Variants in PYGO2 observed in about 807,000 individuals in gnomAD.
PYGO2 encodes pygopus homolog 2.
PYGO2 carries 9 observed loss-of-function variants against 26.7 expected under a neutral mutation model. The ratio of observed to expected loss-of-function variants is 0.34; its 90% confidence interval spans 0.20 to 0.59. PYGO2 has a LOEUF of 0.59. Ranked by LOEUF, PYGO2 falls within the 20% of genes least tolerant of loss-of-function variation. The pLI, the probability that PYGO2 is intolerant of heterozygous loss-of-function variation, is 0.84. For missense variants in PYGO2, 538 were observed against 561.5 expected (o/e 0.96, Z 0.42); for synonymous variants, 236 against 219.0 (o/e 1.08, Z -0.68).
At position 154,957,611 on chromosome 1, in the gene PYGO2, CAAAT is replaced by C. The variant is rs1034057019; in HGVS notation, c.*1164_*1167del. The C allele has an allele frequency of 1.3e-5, 2 of 152,466 alleles. No homozygotes were observed. Among genetic ancestry groups the C allele is most frequent in the South Asian group, 2.1e-4 (1 of 4,834 alleles). The allele number at this position is 152,466 out of a possible 1,614,324, so 9.4% of individuals were successfully genotyped here. On this transcript the variant is annotated 3_prime_UTR_variant, in exon 3 of 3. Coordinates refer to ENST00000368457, the MANE Select transcript of PYGO2 (RefSeq NM_138300.4). The stretch of plus-strand genomic sequence containing the variant: ...GCAGTGCTTAAAAAATAAAAAAAGA[CAAAT>C]AAAGCCCAGTGCAGGCCTTTGGCTG...
At position 154,958,749 on chromosome 1, in the gene PYGO2, T is replaced by C. The variant is rs780324034; in HGVS notation, c.*30A>G. The C allele has an allele frequency of 4.5e-6, 7 of 1,560,210 alleles. No individual in the cohort carries two copies. The highest frequency in any genetic ancestry group is 5.3e-6 in the Non-Finnish European group (6 of 1,134,272). On this transcript the variant is annotated 3_prime_UTR_variant, in exon 3 of 3. Transcript: ENST00000368457. ...CACCCTGGAAGAGCAGGGAGAGACA[T>C]GTGCACTTCCCTGGGCCACTTCACC...
chr1:154,960,134 G>A lies in PYGO2; in HGVS notation c.154-288C>T, dbSNP rs1655295868. ...AAAAAAATTAGCCGGGCGTGGTGGT[G>A]GGCGCCTGTAGTCCCAGCTACTCGG... On this transcript the variant is annotated intron_variant, in intron 2 of 2. Transcript: ENST00000368457. Among the ~76,000 whole-genome samples, 2 of 152,094 alleles carry A rather than the reference G, an allele frequency of 1.3e-5. 1 individual carries two copies. The highest frequency in any genetic ancestry group is 1.3e-4 in the Admixed American group (2 of 15,270).
chr1:154,959,295 G>A lies in PYGO2; in HGVS notation c.705C>T (p.Pro235=), dbSNP rs370590810. 3 of 1,584,848 alleles carry A rather than the reference G, an allele frequency of 1.9e-6. No homozygotes were observed. The highest frequency in any genetic ancestry group is 1.4e-5 in the African/African-American group (1 of 73,568). The change falls in exon 3 of 3, where the codon CCC becomes CCT. Residue 235 remains proline (P), a synonymous_variant. Coordinates refer to ENST00000368457, the MANE Select transcript of PYGO2 (RefSeq NM_138300.4). This position sits in a 1 kb window ranked among gnomAD's most constrained non-coding sequence, Gnocchi z 4.7. ...SPLQRPGQGL[P]SLPPNTSPFP... ...AGGGACTTGTGTTAGGCGGCAGGCT[G>A]GGGAGCCCCTGACCAGGTCTCTGGA...
In PYGO2 at chr1:154,957,897, T is replaced by C. The variant is rs1012810165; in HGVS notation, c.*882A>G. Reference sequence around the variant, plus strand: ...GGCAGGGGAATAAGGGCGCCGAAAGTTGAAGAACACACGGAGTATAATGTG... The same window carrying C: ...GGCAGGGGAATAAGGGCGCCGAAAGCTGAAGAACACACGGAGTATAATGTG... On this transcript the variant is annotated 3_prime_UTR_variant, in exon 3 of 3. Transcript: ENST00000368457. 4 of 152,698 alleles carry C rather than the reference T, an allele frequency of 2.6e-5. No individual in the cohort carries two copies. The highest frequency in any genetic ancestry group is 4.8e-5 in the African/African-American group (2 of 41,432). 9.5% of individuals were successfully genotyped at this position (152,698 alleles called of 1,614,324 possible).
In PYGO2 at chr1:154,960,900, G is replaced by C. The variant is rs552309129; in HGVS notation, c.153+77C>G. 6.6e-5 allele frequency: 88 copies of C among 1,326,584 alleles called. 1 individual carries two copies. The East Asian group carries it at 2.0e-3, about 30-fold the overall frequency. The allele number at this position is 1,326,584 out of a possible 1,614,324, so 82.2% of individuals were successfully genotyped here. On this transcript the variant is annotated intron_variant, in intron 2 of 2. Transcript: ENST00000368457. ...CTGCAGCTGATACAAGATACAAACAGATACTGGAATGGCAGAGTAGACAGT... is the reference window on the plus strand; with the variant it reads ...CTGCAGCTGATACAAGATACAAACACATACTGGAATGGCAGAGTAGACAGT...
rs1229038649 is a variant in PYGO2, at chr1:154,958,939, A to T, written c.1061T>A (p.Phe354Tyr). The T allele has an allele frequency of 6.2e-7, 1 of 1,613,948 alleles. No individual in the cohort carries two copies. Among genetic ancestry groups the T allele is most frequent in the Non-Finnish European group, 8.5e-7 (1 of 1,180,036 alleles). Reference protein sequence around the residue: ...ILCEASCQKWFHRECTGMTES... With the variant: ...ILCEASCQKWYHRECTGMTES... ...AGTCATGCCTGTGCACTCACGGTGG[A>T]ACCATTTCTGGCAGGAGGCCTCACA... Residue 354 changes from phenylalanine to tyrosine, a missense_variant, in exon 3 of 3, where the codon TTC becomes TAC. By Grantham distance (22) the Phe-to-Tyr change is conservative. This residue lies in a region of PYGO2 where 72 missense variants were observed against 111.9 expected (regional missense o/e 0.64). Transcript: ENST00000368457.
At position 154,958,862 on chromosome 1, in the gene PYGO2, C is replaced by G. The variant is rs753745747; in HGVS notation, c.1138G>C (p.Asp380His). Residue 380 changes from aspartate to histidine, a missense_variant, in exon 3 of 3, where the codon GAT becomes CAT. By Grantham distance (81) the Asp-to-His change is moderately conservative (BLOSUM62 -1). Coordinates refer to ENST00000368457, the MANE Select transcript of PYGO2 (RefSeq NM_138300.4). ...TTEASAVWAC[D>H]LCLKTKEIQS... ...ATCTCCTTGGTCTTGAGGCAGAGAT[C>G]GCAGGCCCAGACGGCAGAAGCTTCA... 20 of 1,613,872 alleles carry G rather than the reference C, an allele frequency of 1.2e-5. No individual in the cohort carries two copies.
Position 154,959,264 on chromosome 1 carries a change from C to T in PYGO2, c.736G>A (p.Gly246Ser), listed in dbSNP as rs1231090873. The change falls in exon 3 of 3, where the codon GGT (glycine) becomes AGT (serine). Residue 246 changes from glycine (G) to serine (S), a missense_variant. Gly to Ser is a moderately conservative substitution (Grantham distance 56). Transcript: ENST00000368457. This position sits in a 1 kb window ranked among gnomAD's most constrained non-coding sequence, Gnocchi z 4.7. Reference protein sequence around the residue: ...SLPPNTSPFPGPDPGFPGPGG... With the variant: ...SLPPNTSPFPSPDPGFPGPGG... ...GGGCCAGGAAAGCCAGGGTCCGGAC[C>T]AGGAAAGGGACTTGTGTTAGGCGGC... 10 of 1,570,422 alleles carry T rather than the reference C, an allele frequency of 6.4e-6. No homozygotes were observed. The highest frequency in any genetic ancestry group is 8.6e-6 in the Non-Finnish European group (10 of 1,159,768).
At position 154,959,252 on chromosome 1, in the gene PYGO2, C is replaced by A; in HGVS notation, c.748G>T (p.Gly250Cys). 1 of 1,564,744 alleles carries A rather than the reference C, an allele frequency of 6.4e-7. No homozygotes were observed. The highest frequency in any genetic ancestry group is 8.6e-7 in the Non-Finnish European group (1 of 1,156,736). Reference sequence around the variant, plus strand: ...TCCTCACCACCAGGGCCAGGAAAGCCAGGGTCCGGACCAGGAAAGGGACTT... The same window carrying A: ...TCCTCACCACCAGGGCCAGGAAAGCAAGGGTCCGGACCAGGAAAGGGACTT... ...NTSPFPGPDP[G>C]FPGPGGEDGG... Residue 250 changes from glycine (G) to cysteine (C), a missense_variant, in exon 3 of 3, where the codon GGC becomes TGC. Gly to Cys is a radical substitution (Grantham distance 159, BLOSUM62 -3). Around this residue, in one of 4 missense-constraint regions of PYGO2, gnomAD observed 381 missense variants for 336.6 expected, o/e 1.13. Transcript: ENST00000368457. The surrounding 1 kb of genome is among the most constrained non-coding windows in gnomAD (Gnocchi z 4.7).
Position 154,958,710 on chromosome 1 carries a change from A to G in PYGO2, c.*69T>C, listed in dbSNP as rs1655250804. ...CAGTGGAAACAAGGACCAAGAGCCA[A>G]ACATCAAAAAAATCACCCTGGAAGA... On this transcript the variant is annotated 3_prime_UTR_variant, in exon 3 of 3. Coordinates refer to ENST00000368457, the MANE Select transcript of PYGO2 (RefSeq NM_138300.4). 2 of 1,354,026 alleles carry G rather than the reference A, an allele frequency of 1.5e-6. No homozygotes were observed. Among genetic ancestry groups the G allele is most frequent in the East Asian group, 2.3e-5 (1 of 42,564 alleles). 83.9% of individuals were successfully genotyped at this position (1,354,026 alleles called of 1,614,324 possible).
chr1:154,959,823 C>G lies in PYGO2; in HGVS notation c.177G>C (p.Thr59=). ...TGGGAGTTGGGGGTGGTGCAAACTC[C>G]GTCAGATGTGAGTATGCAGGGCCCT... ...NTQGPAYSHL[T]EFAPPPTPMV... is the part of the protein sequence containing the mutation. Residue 59 remains threonine, a synonymous_variant, in exon 3 of 3, where the codon ACG becomes ACC. Transcript: ENST00000368457. The surrounding 1 kb of genome is among the most constrained non-coding windows in gnomAD (Gnocchi z 4.7). The G allele has an allele frequency of 7.4e-7, 1 of 1,357,856 alleles. No individual in the cohort carries two copies. Among genetic ancestry groups the G allele is most frequent in the East Asian group, 2.8e-5 (1 of 36,288 alleles). 84.1% of individuals were successfully genotyped at this position (1,357,856 alleles called of 1,614,324 possible).
rs376744456 is a variant in PYGO2, at chr1:154,961,669, G to A, written c.-93C>T. On this transcript the variant is annotated 5_prime_UTR_variant, in exon 1 of 3. Transcript: ENST00000368457. ...AGAAGGGGTGTCAGGGGCAGCCCAG[G>A]CCCCCGAGCTGCAGCAACCACAAAG... 13 of 454,652 alleles carry A rather than the reference G, an allele frequency of 2.9e-5. No homozygotes were observed. The highest frequency in any genetic ancestry group is 2.1e-4 in the East Asian group (6 of 28,098). The allele number at this position is 454,652 out of a possible 1,614,324, so 28.2% of individuals were successfully genotyped here.
chr1:154,961,333 A>G, intron 1 of PYGO2, 141 bp downstream of exon 1: 1 of 626,238 alleles, frequency 1.6e-6, no homozygotes, highest in Non-Finnish European at 2.7e-6. Flanking sequence ...CAACCCCTGG[A>G]GGATTACACC....
At position 154,959,945 on chromosome 1, in the gene PYGO2, C is replaced by A; in HGVS notation, c.154-99G>T. The A allele has an allele frequency of 1.5e-6, 1 of 656,498 alleles. No individual in the cohort carries two copies. The highest frequency in any genetic ancestry group is 4.3e-5 in the Admixed American group (1 of 23,160). 40.7% of individuals were successfully genotyped at this position (656,498 alleles called of 1,614,324 possible). On this transcript the variant is annotated intron_variant, in intron 2 of 2. Transcript: ENST00000368457. This position sits in a 1 kb window ranked among gnomAD's most constrained non-coding sequence, Gnocchi z 4.7. Reference sequence around the variant, plus strand: ...ACAATACACATTTTGGAGGCTGATACTGTGGGCAGCTCAGGTCTAAAATCA... The same window carrying A: ...ACAATACACATTTTGGAGGCTGATAATGTGGGCAGCTCAGGTCTAAAATCA...
chr1:154,958,592 A>G lies in PYGO2; in HGVS notation c.*187T>C. On this transcript the variant is annotated 3_prime_UTR_variant, in exon 3 of 3. Transcript: ENST00000368457. Reference sequence around the variant, plus strand: ...TAGATCTCAACATGTAAGTTTCCCAAAACAGTGAGCAATCCAGGCTCTTCT... The same window carrying G: ...TAGATCTCAACATGTAAGTTTCCCAGAACAGTGAGCAATCCAGGCTCTTCT... The G allele has an allele frequency of 1.7e-6, 1 of 596,850 alleles. No homozygotes were observed. Among genetic ancestry groups the G allele is most frequent in the South Asian group, 2.1e-5 (1 of 48,534 alleles). The allele number at this position is 596,850 out of a possible 1,614,324, so 37.0% of individuals were successfully genotyped here.
At chr1:154,960,821 G>A (rs1276875118) in intron 2 of PYGO2, among the ~76,000 whole-genome samples, 156 bp downstream of exon 2, 1 of 152,150 alleles carries the variant, frequency 6.6e-6, no homozygotes, top group African/African-American at 2.4e-5. Context: ...CTTGTTATAA[G>A]GTTCAGCGAA....
chr1:154,961,730 C>G lies in PYGO2; in HGVS notation c.-154G>C, dbSNP rs2242468. The G allele has an allele frequency of 4.6e-6, 2 of 435,910 alleles. No homozygotes were observed. Among genetic ancestry groups the G allele is most frequent in the Non-Finnish European group, 8.2e-6 (2 of 245,170 alleles). 27.0% of individuals were successfully genotyped at this position (435,910 alleles called of 1,614,324 possible). ...GGGAAGCGCCGAGCCGCCGCGCAAACTGCGCGCTCTCTCCAGACTCGCCGC... is the reference window on the plus strand; with the variant it reads ...GGGAAGCGCCGAGCCGCCGCGCAAAGTGCGCGCTCTCTCCAGACTCGCCGC... On this transcript the variant is annotated 5_prime_UTR_variant, in exon 1 of 3. Coordinates refer to ENST00000368457, the MANE Select transcript of PYGO2 (RefSeq NM_138300.4).
Position 154,959,668 on chromosome 1 carries a change from G to A in PYGO2, c.332C>T (p.Ala111Val), listed in dbSNP as rs772772996. 1.4e-5 allele frequency: 20 copies of A among 1,434,828 alleles called. No individual in the cohort carries two copies. The highest frequency in any genetic ancestry group is 5.2e-5 in the East Asian group (2 of 38,614). 88.9% of individuals were successfully genotyped at this position (1,434,828 alleles called of 1,614,324 possible). Residue 111 changes from alanine (A) to valine (V), a missense_variant, in exon 3 of 3, where the codon GCG (alanine) becomes GTG (valine). Physicochemically the swap from Ala to Val is moderately conservative, Grantham distance 64 (BLOSUM62 0). Around this residue, in one of 4 missense-constraint regions of PYGO2, gnomAD observed 381 missense variants for 336.6 expected, o/e 1.13. Transcript: ENST00000368457. The surrounding 1 kb of genome is among the most constrained non-coding windows in gnomAD (Gnocchi z 4.7). The part of the protein sequence containing the change: ...FGGFRVQGGM[A>V]GQVPPGYSTG... ...GCTGTAGCCTGGGGGTACCTGGCCC[G>A]CCATGCCCCCCTGCACACGGAAGCC...
At position 154,958,047 on chromosome 1, in the gene PYGO2, G is replaced by A. The variant is rs1655238566; in HGVS notation, c.*732C>T. 1 of 152,706 alleles carries A rather than the reference G, an allele frequency of 6.5e-6. No homozygotes were observed. Among genetic ancestry groups the A allele is most frequent in the African/African-American group, 2.4e-5 (1 of 41,422 alleles). 9.5% of individuals were successfully genotyped at this position (152,706 alleles called of 1,614,324 possible). A position where few individuals can be genotyped will look rare whatever the true frequency, so the allele number is the denominator to read the frequency against. Reference sequence around the variant, plus strand: ...TTTGGCAAAAATATGGTCATTAGGAGAAAAGCACGAGAGAGGCTGAGAAAG... The same window carrying A: ...TTTGGCAAAAATATGGTCATTAGGAAAAAAGCACGAGAGAGGCTGAGAAAG... On this transcript the variant is annotated 3_prime_UTR_variant, in exon 3 of 3. Coordinates refer to ENST00000368457, the MANE Select transcript of PYGO2 (RefSeq NM_138300.4).
Sources: gnomAD v4.1 joint callset for allele counts (sites outside exome capture counted in the v4.1 genomes callset) on GRCh38, gnomAD v4.1.1 for gene constraint, gnomAD v4.1.1 regional missense constraint, Gnocchi (gnomAD v3.1) non-coding constraint, MANE v1.5 for transcripts, NCBI Gene and HGNC (gene_info 2026-07-23, HGNC 2026-07-21) for gene names.